ALPL: variants seen among roughly 807,000 people sequenced by gnomAD.
ALPL encodes the protein alkaline phosphatase, tissue-nonspecific isozyme.
In ALPL, 42 loss-of-function variants were observed where a neutral mutation model predicts 51.3. That is an observed-to-expected ratio of 0.82 (90% CI 0.64 to 1.06). ALPL has a LOEUF of 1.06. ALPL is among the 50% of genes least tolerant of loss of function. The pLI, the probability that ALPL is intolerant of heterozygous loss-of-function variation, is 0.00. For missense variants in ALPL, 589 were observed against 709.4 expected, an observed-to-expected ratio of 0.83 and a Z score of 1.93; for synonymous variants, 279 against 296.4, an observed-to-expected ratio of 0.94 and a Z score of 0.60.
At chr1:21,543,692 A>G (rs1323354056) in intron 1 of ALPL, among the ~76,000 whole-genome samples, 8 of 152,312 alleles carry the variant, frequency 5.3e-5, no homozygotes, top group African/African-American at 1.9e-4. Flanking sequence ...GACTTTTTCC[A>G]TAAGCACCTC....
chr1:21,554,016 A>ACCCC lies in ALPL; in HGVS notation c.-64_-61dup. ...GTTAACATCTGACCACTGCCAGCCCACCCCCTCCCACCCACGTCGATTGCA... is the reference window on the plus strand; with the variant it reads ...GTTAACATCTGACCACTGCCAGCCCACCCCCCCCCTCCCACCCACGTCGATTGCA... On this transcript the variant is annotated 5_prime_UTR_variant, in exon 2 of 12. Coordinates refer to ENST00000374840, the MANE Select transcript of ALPL (RefSeq NM_000478.6). 2 of 615,580 alleles carry ACCCC rather than the reference A, an allele frequency of 3.2e-6. No homozygotes were observed. The highest frequency in any genetic ancestry group is 6.1e-6 in the Non-Finnish European group (2 of 325,218). 38.1% of individuals were successfully genotyped at this position (615,580 alleles called of 1,614,324 possible).
rs1042239480 is a variant in ALPL at position 21,568,390 on chromosome 1, A to G, written c.792+143A>G. 5 of 1,109,300 alleles carry G rather than the reference A, an allele frequency of 4.5e-6. No individual in the cohort carries two copies. The Admixed American group carries it at 6.8e-5, about 15-fold the overall frequency. The allele number at this position is 1,109,300 out of a possible 1,614,324, so 68.7% of individuals were successfully genotyped here. Reference sequence around the variant, plus strand: ...CATGGGCTCAAATGGCCTAAGAGATATACAAGCAGTAGATAGTCAGTGACT... The same window carrying G: ...CATGGGCTCAAATGGCCTAAGAGATGTACAAGCAGTAGATAGTCAGTGACT... On this transcript the variant is annotated intron_variant, in intron 7 of 11. Transcript: ENST00000374840.
intron 1 of ALPL, among the ~76,000 whole-genome samples, chr1:21,536,774 A>G (rs2148102553): frequency 6.6e-6 from 1 of 152,186 alleles, no homozygotes; most frequent in Non-Finnish European, 1.5e-5. Flanking sequence ...AGGAAGGGGA[A>G]ACAGACTCTG....
At chr1:21,521,395 G>T (rs1399458017) in intron 1 of ALPL, among the ~76,000 whole-genome samples, 1 of 152,122 alleles carries the variant, frequency 6.6e-6, no homozygotes, top group Non-Finnish European at 1.5e-5. Context: ...ATGTTGGCCA[G>T]GCTGGTCTCA....
intron 1 of ALPL, among the ~76,000 whole-genome samples, chr1:21,552,106 T>TTCCCTCCCCTCC (rs1644335078): frequency 1.2e-4 from 4 of 33,814 alleles, no homozygotes; most frequent in Admixed American, 3.8e-4. Flanking sequence ...CCCTTCCCTT[T>TTCCCTCCCCTCC]CCTCCCCTTC....
At chr1:21,559,068 G>A (rs961276609) in intron 2 of ALPL, among the ~76,000 whole-genome samples, 10 of 152,182 alleles carry the variant, frequency 6.6e-5, no homozygotes, top group Non-Finnish European at 1.3e-4. Context: ...CGGCCACTCC[G>A]AGAGCCAGGC....
chr1:21,535,473 G>A (rs925259819), intron 1 of ALPL, among the ~76,000 whole-genome samples: 1 of 152,270 alleles, frequency 6.6e-6, no homozygotes, highest in Non-Finnish European at 1.5e-5. Flanking sequence ...CCAGCCGAAC[G>A]TGGTGCTGTG....
chr1:21,577,889 G>C lies in ALPL; in HGVS notation c.*241G>C. Reference sequence around the variant, plus strand: ...CCGCTGCCCTTTGGCCAACAGGGTAGATTTCTCTTGGGCAGGCAGAGAGTA... The same window carrying C: ...CCGCTGCCCTTTGGCCAACAGGGTACATTTCTCTTGGGCAGGCAGAGAGTA... On this transcript the variant is annotated 3_prime_UTR_variant, in exon 12 of 12. Transcript: ENST00000374840. The C allele has an allele frequency of 1.7e-6, 1 of 601,390 alleles. No homozygotes were observed. Among genetic ancestry groups the C allele is most frequent in the Non-Finnish European group, 2.9e-6 (1 of 339,622 alleles). The allele number at this position is 601,390 out of a possible 1,614,324, so 37.3% of individuals were successfully genotyped here.
At position 21,522,296 on chromosome 1, in the gene ALPL, C is replaced by A. The variant is rs369402819; in HGVS notation, c.-105+12779C>A. Among the ~76,000 whole-genome samples, 97 of 152,158 alleles carry A rather than the reference C, an allele frequency of 6.4e-4. 1 individual carries two copies. Among genetic ancestry groups the A allele is most frequent in the East Asian group, 6.4e-3 (33 of 5,182 alleles). On this transcript the variant is annotated intron_variant, in intron 1 of 11. Transcript: ENST00000374840. The stretch of plus-strand genomic sequence containing the variant: ...TCACCATGTTAGCCAGGATGGTCTC[C>A]ATCTCCTGACTTCATGATCCGCCCG...
intron 1 of ALPL, among the ~76,000 whole-genome samples, chr1:21,550,849 G>C (rs1644311661): frequency 6.6e-6 from 1 of 152,188 alleles, no homozygotes; most frequent in African/African-American, 2.4e-5. Context: ...ATGTTGTTGT[G>C]AGGAGCTGTG....
chr1:21,538,556 A>G (rs550669703), intron 1 of ALPL, among the ~76,000 whole-genome samples: 2 of 151,936 alleles, frequency 1.3e-5, no homozygotes, highest in South Asian at 4.2e-4. Flanking sequence ...CCCTTTTCCC[A>G]CAGCCCGGCG....
At chr1:21,554,788 CCTGTCTGTCTGTCTGTCTGTCTGTCTGT>C (rs369690542) in intron 2 of ALPL, among the ~76,000 whole-genome samples, 21,244 of 114,172 alleles carry the variant, frequency 0.19, 2,322 homozygotes, top group East Asian at 0.28. Flanking sequence ...CCGCGCCTGG[CCTGTCTGTCTGTCTGTCTGTCTGTCTGT>C]CTTTCTTTCT....
chr1:21,575,488 C>T (rs1039760094), intron 9 of ALPL, among the ~76,000 whole-genome samples: 5 of 152,204 alleles, frequency 3.3e-5, no homozygotes, highest in African/African-American at 7.2e-5. Context: ...AATTTGATTA[C>T]ACATCTGGAC....
At chr1:21,545,376 C>T (rs1390140744) in intron 1 of ALPL, among the ~76,000 whole-genome samples, 3 of 152,102 alleles carry the variant, frequency 2.0e-5, no homozygotes, top group South Asian at 4.1e-4. Flanking sequence ...CTACAACCTC[C>T]GCCACCCGGG....
At chr1:21,515,968 T>G (rs72874247) in intron 1 of ALPL, among the ~76,000 whole-genome samples, 20,253 of 152,184 alleles carry the variant, frequency 0.13, 1,557 homozygotes, top group African/African-American at 0.19. Flanking sequence ...AGCCTTGACT[T>G]CCTGGACTCA....
intron 1 of ALPL, among the ~76,000 whole-genome samples, chr1:21,549,590 C>A (rs1316310908): frequency 6.6e-6 from 1 of 151,930 alleles, no homozygotes; most frequent in African/African-American, 2.4e-5. Flanking sequence ...TCTCCTGCCT[C>A]AGCCTCTCAG....
At position 21,564,256 on chromosome 1, in the gene ALPL, C is replaced by T. The variant is rs372656246; in HGVS notation, c.648+40C>T. The stretch of plus-strand genomic sequence containing the variant: ...GCAGCCGGGCAGGGACGGGGTGAGG[C>T]GGGGCCTCTGGTGGGCAGGAGGCCT... On this transcript the variant is annotated intron_variant, in intron 6 of 11. Coordinates refer to ENST00000374840, the MANE Select transcript of ALPL (RefSeq NM_000478.6). This position sits in a 1 kb window ranked among gnomAD's most constrained non-coding sequence, Gnocchi z 5.8. 40 of 1,608,796 alleles carry T rather than the reference C, an allele frequency of 2.5e-5. No homozygotes were observed. The highest frequency in any genetic ancestry group is 1.7e-4 in the Middle Eastern group (1 of 6,022).
intron 1 of ALPL, among the ~76,000 whole-genome samples, chr1:21,545,972 T>C (rs1181813884): frequency 3.9e-5 from 6 of 151,960 alleles, no homozygotes; most frequent in African/African-American, 1.5e-4. Flanking sequence ...CACACCACCA[T>C]GCCCAGCTAA....
At position 21,562,991 on chromosome 1, in the gene ALPL, A is replaced by T. The variant is rs1644505629; in HGVS notation, c.298-119A>T. 4.3e-6 allele frequency: 6 copies of T among 1,383,596 alleles called. No homozygotes were observed. The Admixed American group carries it at 1.0e-4, about 24-fold the overall frequency. The allele number at this position is 1,383,596 out of a possible 1,614,324, so 85.7% of individuals were successfully genotyped here. A position where few individuals can be genotyped will look rare whatever the true frequency, so the allele number is the denominator to read the frequency against. ...CTTCAGTGGGCAGTGGGCCTGGTCA[A>T]GGCTATGGGGTCCTCTCTGGTCCCT... On this transcript the variant is annotated intron_variant, in intron 4 of 11. Coordinates refer to ENST00000374840, the MANE Select transcript of ALPL (RefSeq NM_000478.6).
Sources: gnomAD v4.1 joint callset for allele counts (sites outside exome capture counted in the v4.1 genomes callset) on GRCh38, gnomAD v4.1.1 for gene constraint, Gnocchi (gnomAD v3.1) non-coding constraint, MANE v1.5 for transcripts, NCBI Gene and HGNC (gene_info 2026-07-23, HGNC 2026-07-21) for gene names.